ACAA1: variants seen among roughly 807,000 people sequenced by gnomAD.
ACAA1 encodes the protein 3-ketoacyl-CoA thiolase, peroxisomal.
In ACAA1, 44 loss-of-function variants were observed where a neutral mutation model predicts 48.8. The observed-to-expected ratio is 0.90, with a 90% confidence interval of 0.71 to 1.16. The LOEUF (loss-of-function observed/expected upper bound fraction) is 1.16, where lower values mean the gene tolerates loss of function less well. Among genes scored for constraint, ACAA1 ranks in the 50% most tolerant of loss-of-function variants. The pLI, the probability that ACAA1 is intolerant of heterozygous loss-of-function variation, is 0.00. For missense variants in ACAA1, 512 were observed against 562.3 expected (o/e 0.91, Z 0.90); for synonymous variants, 233 against 226.5 (o/e 1.03, Z -0.26).
intron 3 of ACAA1, among the ~76,000 whole-genome samples, chr3:38,132,835 T>A (rs1287836943): frequency 6.6e-6 from 1 of 152,168 alleles, no homozygotes; most frequent in Non-Finnish European, 1.5e-5. Context: ...GCAGCCTGTT[T>A]GACCCTTCCA....
intron 11 of ACAA1, chr3:38,124,294 T>C (rs376541727): frequency 1.3e-5 from 2 of 152,162 alleles, no homozygotes; most frequent in African/African-American, 4.8e-5. Flanking sequence ...ACAACCTACG[T>C]CTTTTGATGA....
rs1254738553 is a variant in ACAA1, at chr3:38,129,652, A to G, written c.447-264T>C. 1.3e-5 allele frequency among the ~76,000 whole-genome samples: 2 copies of G among 152,128 alleles called. No individual in the cohort carries two copies. The highest frequency in any genetic ancestry group is 2.9e-5 in the Non-Finnish European group (2 of 68,016). On this transcript the variant is annotated intron_variant, in intron 5 of 11. Transcript: ENST00000333167. This position sits in a 1 kb window ranked among gnomAD's most constrained non-coding sequence, Gnocchi z 5.3. The stretch of plus-strand genomic sequence containing the variant: ...GGGGCAGGGCTATGCTTCCCTATAC[A>G]CTGCTAAATCAGCCAACTGGCAATT...
intron 11 of ACAA1, 83 bp downstream of exon 11, chr3:38,125,482 C>T (rs1272343395): frequency 4.1e-5 from 60 of 1,474,902 alleles, no homozygotes; most frequent in Non-Finnish European, 5.2e-5. Flanking sequence ...TGATCCAAAG[C>T]CCACCTACCT....
rs867036236 is a variant in ACAA1 at position 38,122,964 on chromosome 3, T to C, written c.*83A>G. ...CCACCACCAGTGCTGAGTTTTCCCA[T>C]GTGGTTTTGCTTTTGTGGTGTTACT... On this transcript the variant is annotated 3_prime_UTR_variant, in exon 12 of 12. Coordinates refer to ENST00000333167, the MANE Select transcript of ACAA1 (RefSeq NM_001607.4). 2.9e-6 allele frequency: 4 copies of C among 1,399,144 alleles called. No individual in the cohort carries two copies. The highest frequency in any genetic ancestry group is 2.3e-5 in the South Asian group (2 of 86,174). 86.7% of individuals were successfully genotyped at this position (1,399,144 alleles called of 1,614,324 possible).
intron 7 of ACAA1, 161 bp downstream of exon 7, chr3:38,127,625 C>G (rs1309939742): frequency 4.5e-6 from 3 of 673,748 alleles, no homozygotes; most frequent in Non-Finnish European, 8.0e-6. Context: ...CACAGTGGCC[C>G]TGACACTTCC....
In ACAA1 at chr3:38,137,105, G is replaced by T; in HGVS notation, c.-70C>A. 1 of 1,274,850 alleles carries T rather than the reference G, an allele frequency of 7.8e-7. No homozygotes were observed. Among genetic ancestry groups the T allele is most frequent in the Non-Finnish European group, 1.1e-6 (1 of 937,150 alleles). The allele number at this position is 1,274,850 out of a possible 1,614,324, so 79.0% of individuals were successfully genotyped here. A position where few individuals can be genotyped will look rare whatever the true frequency, so the allele number is the denominator to read the frequency against. ...CCGCGGAGTTAACAGACAGCCGTCCGCACACGCGCAGAACCACATCTCAGC... is the reference window on the plus strand; with the variant it reads ...CCGCGGAGTTAACAGACAGCCGTCCTCACACGCGCAGAACCACATCTCAGC... On this transcript the variant is annotated 5_prime_UTR_variant, in exon 1 of 12. Coordinates refer to ENST00000333167, the MANE Select transcript of ACAA1 (RefSeq NM_001607.4).
rs775168633 is a variant in ACAA1, at chr3:38,131,581, G to GA, written c.446+14dup. On this transcript the variant is annotated intron_variant, in intron 5 of 11. Coordinates refer to ENST00000333167, the MANE Select transcript of ACAA1 (RefSeq NM_001607.4). The stretch of plus-strand genomic sequence containing the variant: ...ACAAGTTGGTTAATAAGCTCCGGCA[G>GA]AAAAAAATTCTTACCCACAGGCCAT... The GA allele has an allele frequency of 6.2e-7, 1 of 1,613,766 alleles. No homozygotes were observed. The highest frequency in any genetic ancestry group is 8.5e-7 in the Non-Finnish European group (1 of 1,179,806).
chr3:38,127,363 A>G (rs1225660980), intron 7 of ACAA1, among the ~76,000 whole-genome samples: 1 of 152,242 alleles, frequency 6.6e-6, no homozygotes, highest in East Asian at 1.9e-4. Context: ...GGGACTTGCC[A>G]ATCTTAGCCT....
In ACAA1 at chr3:38,126,355, G is replaced by T. The variant is rs542684558; in HGVS notation, c.818-14C>A. On this transcript the variant is annotated splice_polypyrimidine_tract_variant and intron_variant, in intron 8 of 11. Transcript: ENST00000333167. The surrounding 1 kb of genome is among the most constrained non-coding windows in gnomAD (Gnocchi z 4.7). ...GGCTAGAGTTTCCTAGGGGCAAACT[G>T]TTGGGGTAAGAAGGCATCGGGGTGG... 36 of 1,612,656 alleles carry T rather than the reference G, an allele frequency of 2.2e-5. No individual in the cohort carries two copies. The African/African-American group carries it at 3.7e-4, about 17-fold the overall frequency.
chr3:38,136,845 C>G lies in ACAA1; in HGVS notation c.171+20G>C, dbSNP rs1396071218. ...CGCCGGCGTCTTCCCACACTCGGCG[C>G]CCAGACCCTCGGGCCTCACCTTGAA... On this transcript the variant is annotated intron_variant, in intron 1 of 11. Transcript: ENST00000333167. The G allele has an allele frequency of 6.6e-7, 1 of 1,509,258 alleles. No homozygotes were observed. Among genetic ancestry groups the G allele is most frequent in the Non-Finnish European group, 8.8e-7 (1 of 1,135,606 alleles). 93.5% of individuals were successfully genotyped at this position (1,509,258 alleles called of 1,614,324 possible). A position where few individuals can be genotyped will look rare whatever the true frequency, so the allele number is the denominator to read the frequency against.
In ACAA1 at chr3:38,129,282, G is replaced by T; in HGVS notation, c.545+8C>A. On this transcript the variant is annotated splice_region_variant and intron_variant, in intron 6 of 11. Transcript: ENST00000333167. The surrounding 1 kb of genome is among the most constrained non-coding windows in gnomAD (Gnocchi z 5.3). The stretch of plus-strand genomic sequence containing the variant: ...GGCACAAGCACACAGAGCTATGGGA[G>T]CACTCACCCCATAGGAATCAGGCAA... 6.2e-7 allele frequency: 1 copy of T among 1,607,916 alleles called. No individual in the cohort carries two copies. Among genetic ancestry groups the T allele is most frequent in the African/African-American group, 1.3e-5 (1 of 74,914 alleles).
In ACAA1 at chr3:38,134,108, C is replaced by A. The variant is rs549123470; in HGVS notation, c.266-99G>T. Reference sequence around the variant, plus strand: ...AGATGAGGCATTCCAGATCTTTCTTCGGGACACTAGCCCTTGGCAGGCTCA... The same window carrying A: ...AGATGAGGCATTCCAGATCTTTCTTAGGGACACTAGCCCTTGGCAGGCTCA... On this transcript the variant is annotated intron_variant, in intron 2 of 11. Coordinates refer to ENST00000333167, the MANE Select transcript of ACAA1 (RefSeq NM_001607.4). 69 of 1,224,120 alleles carry A rather than the reference C, an allele frequency of 5.6e-5. No homozygotes were observed. In the South Asian group the frequency reaches 9.4e-4, roughly 17 times the overall value. 75.8% of individuals were successfully genotyped at this position (1,224,120 alleles called of 1,614,324 possible). A position where few individuals can be genotyped will look rare whatever the true frequency, so the allele number is the denominator to read the frequency against.
At chr3:38,128,622 C>G (rs1700725785) in intron 6 of ACAA1, among the ~76,000 whole-genome samples, 1 of 152,124 alleles carries the variant, frequency 6.6e-6, no homozygotes, top group South Asian at 2.1e-4. Flanking sequence ...GACAGAGTCT[C>G]CCTCTGTCAC....
intron 2 of ACAA1, chr3:38,134,500 G>A (rs1471464553): frequency 6.6e-6 from 3 of 457,506 alleles, no homozygotes; most frequent in Non-Finnish European, 1.3e-5. Context: ...AGAAAGATCA[G>A]ATTGTTACCG....
In ACAA1 at chr3:38,126,698, G is replaced by T. The variant is rs970031657; in HGVS notation, c.629C>A (p.Ala210Glu). The change falls in exon 8 of 12, where the codon GCA becomes GAA. Residue 210 changes from alanine (A) to glutamate (E), a missense_variant and splice_region_variant. Transcript: ENST00000333167. This position sits in a 1 kb window ranked among gnomAD's most constrained non-coding sequence, Gnocchi z 4.7. ...ACAGCCCTTGCTCTGGGCTCTTGCT[G>T]CCCTGCCAGCACCATGGACAGCCAG... ...DTFALASQQK[A>E]ARAQSKGCFQ... 5 of 1,613,206 alleles carry T rather than the reference G, an allele frequency of 3.1e-6. No homozygotes were observed. The highest frequency in any genetic ancestry group is 4.2e-6 in the Non-Finnish European group (5 of 1,180,024).
rs71323654 is a variant in ACAA1, at chr3:38,122,985, T to G, written c.*62A>C. 3 of 1,563,796 alleles carry G rather than the reference T, an allele frequency of 1.9e-6. No individual in the cohort carries two copies. Among genetic ancestry groups the G allele is most frequent in the Admixed American group, 1.7e-5 (1 of 59,740 alleles). On this transcript the variant is annotated 3_prime_UTR_variant, in exon 12 of 12. Coordinates refer to ENST00000333167, the MANE Select transcript of ACAA1 (RefSeq NM_001607.4). ...CCCATGTGGTTTTGCTTTTGTGGTG[T>G]TACTGCCTTGCTGCTAGAGCAGCAG...
Position 38,126,193 on chromosome 3 carries a change from G to C in ACAA1, c.966C>G (p.Ala322=), listed in dbSNP as rs1352509608. The change falls in exon 9 of 12, where the codon GCC becomes GCG. Residue 322 remains alanine (A), a synonymous_variant. Coordinates refer to ENST00000333167, the MANE Select transcript of ACAA1 (RefSeq NM_001607.4). This position sits in a 1 kb window ranked among gnomAD's most constrained non-coding sequence, Gnocchi z 4.7. ...TTTGCAAAGCTACTGGGATGGCATA[G>C]GCAGGTCCAATGCCCATGATGTCAG... is the stretch of plus-strand genomic sequence containing the variant. The part of the protein sequence containing the change: ...VPPDIMGIGP[A]YAIPVALQKA... 6.2e-7 allele frequency: 1 copy of C among 1,614,060 alleles called. No individual in the cohort carries two copies. Among genetic ancestry groups the C allele is most frequent in the African/African-American group, 1.3e-5 (1 of 74,940 alleles).
intron 5 of ACAA1, among the ~76,000 whole-genome samples, chr3:38,130,445 C>G (rs1273129725): frequency 6.6e-6 from 1 of 152,132 alleles, no homozygotes; most frequent in Admixed American, 6.5e-5. Flanking sequence ...CCATGGTGAC[C>G]CAGCCTGGAT....
chr3:38,136,394 C>G (rs1055523271), intron 2 of ACAA1, among the ~76,000 whole-genome samples, 198 bp downstream of exon 2: 2 of 152,206 alleles, frequency 1.3e-5, no homozygotes, highest in African/African-American at 4.8e-5. Context: ...TACACTTTGT[C>G]TCTGCGTCTT....
Sources: allele counts gnomAD v4.1 joint callset (sites outside exome capture counted in the v4.1 genomes callset), GRCh38; gene constraint gnomAD v4.1.1; non-coding constraint Gnocchi (gnomAD v3.1); transcripts MANE v1.5; gene names NCBI Gene and HGNC (gene_info 2026-07-23, HGNC 2026-07-21).